Variants in CD2AP observed in about 807,000 individuals in gnomAD.
CD2AP encodes CD2 associated protein, also known as CD2-associated protein.
Under a neutral mutation model 85.1 loss-of-function variants are expected in CD2AP, and 46 were observed. That is an observed-to-expected ratio of 0.54 (90% CI 0.43 to 0.69). CD2AP has a LOEUF of 0.69. Ranked by LOEUF, CD2AP falls within the 30% of genes least tolerant of loss-of-function variation. CD2AP has a pLI of 0.00. For missense variants in CD2AP, 769 were observed against 729.5 expected (o/e 1.05, Z -0.62); for synonymous variants, 255 against 252.9 (o/e 1.01, Z -0.08).
intron 2 of CD2AP, among the ~76,000 whole-genome samples, chr6:47,519,137 C>G (rs946850709): frequency 6.6e-6 from 1 of 152,046 alleles, no homozygotes; most frequent in South Asian, 2.1e-4. Context: ...GTGGGGCAGA[C>G]AAATATGCAA....
chr6:47,621,228 G>GT (rs1769735583), intron 17 of CD2AP, among the ~76,000 whole-genome samples: 1 of 152,142 alleles, frequency 6.6e-6, no homozygotes, highest in Admixed American at 6.5e-5. Context: ...TTGTATGCCA[G>GT]TTTTGCTGAG....
chr6:47,599,159 AGTTTTGCGT>A, intron 12 of CD2AP, 133 bp from the exon 13 acceptor site: 4 of 607,370 alleles, frequency 6.6e-6, no homozygotes, highest in African/African-American at 1.9e-5. Flanking sequence ...CTTAGGAGAG[AGTTTTGCGT>A]TTATGGAAAT....
chr6:47,498,561 G>A (rs1480355728), intron 1 of CD2AP, among the ~76,000 whole-genome samples: 1 of 151,844 alleles, frequency 6.6e-6, no homozygotes, highest in Non-Finnish European at 1.5e-5. Flanking sequence ...GATTGATTGG[G>A]CCTTTTCCTT....
intron 3 of CD2AP, among the ~76,000 whole-genome samples, chr6:47,543,772 G>T (rs1210942918): frequency 1.3e-5 from 2 of 152,176 alleles, no homozygotes; most frequent in African/African-American, 4.8e-5. Context: ...TTGGGTGTTA[G>T]GGTTTCAATA....
At chr6:47,575,409 G>A (rs1369092150) in intron 6 of CD2AP, among the ~76,000 whole-genome samples, 1 of 152,132 alleles carries the variant, frequency 6.6e-6, no homozygotes, top group African/African-American at 2.4e-5. Flanking sequence ...CCTTGATAAT[G>A]TCTACTACTC....
intron 11 of CD2AP, among the ~76,000 whole-genome samples, chr6:47,585,613 C>T (rs1037415341): frequency 6.6e-6 from 1 of 152,048 alleles, no homozygotes. Flanking sequence ...TAGGAAGGCC[C>T]GGGCAGCTAC....
At position 47,556,616 on chromosome 6, in the gene CD2AP, T is replaced by C. The variant is rs554479080; in HGVS notation, c.541+1850T>C. On this transcript the variant is annotated intron_variant, in intron 5 of 17. Transcript: ENST00000359314. ...CACACGCCTCGGCCTCCCAAAGTGCTGAGATTACAGGCGGGAGCCACTGTG... is the reference window on the plus strand; with the variant it reads ...CACACGCCTCGGCCTCCCAAAGTGCCGAGATTACAGGCGGGAGCCACTGTG... 1.5e-4 allele frequency among the ~76,000 whole-genome samples: 23 copies of C among 152,274 alleles called. No homozygotes were observed. The South Asian group carries it at 4.8e-3, about 32-fold the overall frequency.
At chr6:47,596,867 A>C (rs1044057250) in intron 12 of CD2AP, among the ~76,000 whole-genome samples, 41 of 152,098 alleles carry the variant, frequency 2.7e-4, no homozygotes, top group Non-Finnish European at 1.2e-4. Flanking sequence ...GGGAATTTAC[A>C]TTCCTACCAG....
chr6:47,524,988 CAATTT>C (rs1294945520), intron 2 of CD2AP, among the ~76,000 whole-genome samples: 3 of 151,796 alleles, frequency 2.0e-5, no homozygotes, highest in Non-Finnish European at 4.4e-5. Flanking sequence ...AGTGAATATC[CAATTT>C]AATTTAATCA....
At chr6:47,592,900 G>T (rs911483601) in intron 11 of CD2AP, among the ~76,000 whole-genome samples, 2 of 152,072 alleles carry the variant, frequency 1.3e-5, no homozygotes, top group African/African-American at 4.8e-5. Flanking sequence ...TGAGTTCTGT[G>T]AGCTCTTCTA....
At chr6:47,509,437 T>TAAAAA (rs35054815) in intron 2 of CD2AP, among the ~76,000 whole-genome samples, 1 of 146,618 alleles carries the variant, frequency 6.8e-6, no homozygotes. Flanking sequence ...CTTCAATTTG[T>TAAAAA]AAAAAAAAAA....
chr6:47,522,024 AAAG>A (rs1359932955), intron 2 of CD2AP, among the ~76,000 whole-genome samples: 1 of 151,996 alleles, frequency 6.6e-6, no homozygotes, highest in Admixed American at 6.6e-5. Flanking sequence ...TCAAAAAAAA[AAAG>A]AAAGAAAGAT....
intron 2 of CD2AP, among the ~76,000 whole-genome samples, chr6:47,514,054 C>A (rs542848776): frequency 6.6e-6 from 1 of 152,118 alleles, no homozygotes; most frequent in South Asian, 2.1e-4. Context: ...TGTTCATATT[C>A]TAGTTAATTT....
At chr6:47,582,302 A>C in intron 11 of CD2AP, 1 of 386,420 alleles carries the variant, frequency 2.6e-6, no homozygotes, top group Non-Finnish European at 4.8e-6. Flanking sequence ...GTTATTTCAC[A>C]GACTGTATAA....
intron 2 of CD2AP, among the ~76,000 whole-genome samples, chr6:47,505,663 G>A (rs1308090984): frequency 1.1e-5 from 1 of 93,262 alleles, no homozygotes; most frequent in Non-Finnish European, 2.6e-5. Context: ...GCGGCTGGCC[G>A]GGTGGGGGGG....
intron 1 of CD2AP, among the ~76,000 whole-genome samples, chr6:47,501,678 G>A (rs1172921294): frequency 6.6e-6 from 1 of 151,932 alleles, no homozygotes; most frequent in Non-Finnish European, 1.5e-5. Context: ...GTGTGTGTGT[G>A]TGTGTATTTT....
At chr6:47,509,410 C>T (rs1582494124) in intron 2 of CD2AP, among the ~76,000 whole-genome samples, 1 of 149,154 alleles carries the variant, frequency 6.7e-6, no homozygotes, top group East Asian at 1.9e-4. Context: ...GCTTGCTTGA[C>T]ACAGTGTTGC....
rs1045885305 is a variant in CD2AP, at chr6:47,574,193, C to T, written c.671C>T (p.Ser224Phe). The change falls in exon 6 of 18, where the codon TCT becomes TTT. Residue 224 changes from serine (S) to phenylalanine (F), a missense_variant. Ser to Phe is a radical substitution (Grantham distance 155). Transcript: ENST00000359314. ...IGFGDIFKEG[S>F]VKLRTRTSSS... ...TTTGGAGACATTTTTAAAGAAGGCT[C>T]TGTGAAACTTCGGACAAGAACATCC... 6.2e-7 allele frequency: 1 copy of T among 1,614,026 alleles called. No individual in the cohort carries two copies. Among genetic ancestry groups the T allele is most frequent in the Non-Finnish European group, 8.5e-7 (1 of 1,179,948 alleles).
At position 47,565,461 on chromosome 6, in the gene CD2AP, A is replaced by G. The variant is rs147875832; in HGVS notation, c.542-8603A>G. ...TATTTTATGAAACCAGTGACTGTAT[A>G]TACTTGTCTTTTCCACCCTTTTCTA... On this transcript the variant is annotated intron_variant, in intron 5 of 17. Transcript: ENST00000359314. Among the ~76,000 whole-genome samples, 7 of 152,230 alleles carry G rather than the reference A, an allele frequency of 4.6e-5. No homozygotes were observed. The East Asian group carries it at 1.3e-3, about 29-fold the overall frequency.
Sources: allele counts gnomAD v4.1 joint callset (sites outside exome capture counted in the v4.1 genomes callset), GRCh38; gene constraint gnomAD v4.1.1; transcripts MANE v1.5; gene names NCBI Gene and HGNC (gene_info 2026-07-23, HGNC 2026-07-21).